The following NSD2 variants were observed in gnomAD, a reference collection of about 807,000 sequenced individuals.
The protein encoded by NSD2 is nuclear receptor binding SET domain protein 2, also known as histone-lysine N-methyltransferase NSD2.
NSD2 carries 12 observed loss-of-function variants against 139.0 expected under a neutral mutation model. The ratio of observed to expected loss-of-function variants is 0.09; its 90% CI spans 0.06 to 0.14. The LOEUF is 0.14. Among genes scored for constraint, NSD2 ranks in the 10% least tolerant of loss-of-function variants. The pLI, the probability that NSD2 is intolerant of heterozygous loss-of-function variation, is 1.00. For synonymous variants in NSD2, 669 were observed against 648.7 expected (o/e 1.03, Z -0.48); for missense variants, 1,155 against 1,745.0 (o/e 0.66, Z 6.02).
intron 1 of NSD2, chr4:1,899,071 A>G (rs1189245121): frequency 2.0e-5 from 3 of 152,164 alleles, no homozygotes; most frequent in Non-Finnish European, 4.4e-5. Flanking sequence ...ACTTTGATCT[A>G]CCTTTTTAAG....
intron 3 of NSD2, among the ~76,000 whole-genome samples, chr4:1,911,587 C>CAAAAAAAAAAA (rs372660600): frequency 3.4e-3 from 142 of 41,912 alleles, no homozygotes; most frequent in African/African-American, 7.2e-3. Flanking sequence ...GACGCCATCT[C>CAAAAAAAAAAA]AAAAAAAAAA....
At chr4:1,887,765 A>ATGAC (rs1386165008) in intron 1 of NSD2, 7 of 152,156 alleles carry the variant, frequency 4.6e-5, no homozygotes, top group African/African-American at 1.4e-4. Flanking sequence ...ATTTACTTGT[A>ATGAC]TGACTTTGTT....
At chr4:1,975,151 C>A in intron 19 of NSD2, 143 bp from the exon 20 acceptor site, 1 of 1,438,560 alleles carries the variant, frequency 7.0e-7, no homozygotes, top group Non-Finnish European at 9.5e-7. Context: ...TCTCTTTTAC[C>A]AAGCAAAATT....
intron 11 of NSD2, chr4:1,952,761 G>A (rs1228254081): frequency 1.2e-5 from 13 of 1,099,672 alleles, no homozygotes; most frequent in Admixed American, 4.6e-5. Context: ...GGTGTCGCCC[G>A]GCACAGTCTG....
At position 1,974,055 on chromosome 4, in the gene NSD2, G is replaced by T. The variant is rs1726797536; in HGVS notation, c.3373-808G>T. Among the ~76,000 whole-genome samples, 1 of 152,088 alleles carries T rather than the reference G, an allele frequency of 6.6e-6. No individual in the cohort carries two copies. The highest frequency in any genetic ancestry group is 1.5e-5 in the Non-Finnish European group (1 of 68,014). On this transcript the variant is annotated intron_variant, in intron 18 of 21. Coordinates refer to ENST00000508803, the MANE Select transcript of NSD2 (RefSeq NM_001042424.3). The surrounding 1 kb of genome is among the most constrained non-coding windows in gnomAD (Gnocchi z 4.0). ...TGCTGCCTCGAAAGCCTTCCTGCCG[G>T]CCCTGCAGCCACCCCTCATCTCAGC...
At chr4:1,957,241 A>C (rs1407936939) in intron 15 of NSD2, among the ~76,000 whole-genome samples, 1 of 149,220 alleles carries the variant, frequency 6.7e-6, no homozygotes, top group African/African-American at 2.5e-5. Flanking sequence ...ATCTCTCAGA[A>C]CCCCTTTTGT....
intron 5 of NSD2, 128 bp from the exon 6 acceptor site, chr4:1,930,498 T>A: frequency 1.0e-6 from 1 of 999,724 alleles, no homozygotes. Flanking sequence ...TGGACATAGT[T>A]CCACGATGTG....
chr4:1,981,885 G>C lies in NSD2; in HGVS notation c.*2976G>C. ...GTAGAGTAAAATGCTGTGTCCACGGGGTGTCACAGCCTCACCATACCCTGT... is the reference window on the plus strand; with the variant it reads ...GTAGAGTAAAATGCTGTGTCCACGGCGTGTCACAGCCTCACCATACCCTGT... On this transcript the variant is annotated 3_prime_UTR_variant, in exon 22 of 22. Coordinates refer to ENST00000508803, the MANE Select transcript of NSD2 (RefSeq NM_001042424.3). The C allele has an allele frequency of 2.5e-6, 1 of 398,620 alleles. No individual in the cohort carries two copies. The highest frequency in any genetic ancestry group is 4.4e-6 in the Non-Finnish European group (1 of 226,074). 24.7% of individuals were successfully genotyped at this position (398,620 alleles called of 1,614,324 possible).
chr4:1,979,752 A>AT lies in NSD2; in HGVS notation c.*848dup, dbSNP rs1373571395. ...TTTGGCTTTTCTTTACCAGTTTCTG[A>AT]TTTTTATTCTCAATATATTTTTGCT... On this transcript the variant is annotated 3_prime_UTR_variant, in exon 22 of 22. Coordinates refer to ENST00000508803, the MANE Select transcript of NSD2 (RefSeq NM_001042424.3). 13 of 232,136 alleles carry AT rather than the reference A, an allele frequency of 5.6e-5. No individual in the cohort carries two copies. Among genetic ancestry groups the AT allele is most frequent in the African/African-American group, 2.9e-4 (13 of 45,354 alleles). The allele number at this position is 232,136 out of a possible 1,614,324, so 14.4% of individuals were successfully genotyped here.
intron 9 of NSD2, chr4:1,945,904 TACAACAC>T: frequency 9.4e-7 from 1 of 1,059,344 alleles, no homozygotes; most frequent in East Asian, 5.2e-5. Context: ...TCATTTGACT[TACAACAC>T]ACTTCTCTAA....
At chr4:1,947,876 C>T (rs1034064848) in intron 9 of NSD2, 16 of 1,054,106 alleles carry the variant, frequency 1.5e-5, no homozygotes, top group Admixed American at 5.5e-5. Context: ...ATGTGTATGA[C>T]GCCACTCTGA....
chr4:1,900,663 T>C lies in NSD2; in HGVS notation c.9T>C (p.Phe3=), dbSNP rs917196718. 5 of 1,578,092 alleles carry C rather than the reference T, an allele frequency of 3.2e-6. No homozygotes were observed. The African/African-American group carries it at 5.4e-5, about 17-fold the overall frequency. ...GGAAGCATCTGGGCTGGATGGAATT[T>C]AGCATCAAGCAGAGTCCCCTTTCTG... ME[F]SIKQSPLSVQ... The change falls in exon 2 of 22, where the codon TTT becomes TTC. Residue 3 remains phenylalanine (F), a synonymous_variant. Transcript: ENST00000508803.
At position 1,981,933 on chromosome 4, in the gene NSD2, GA is replaced by G. The variant is rs1727807821; in HGVS notation, c.*3027del. 1 of 398,492 alleles carries G rather than the reference GA, an allele frequency of 2.5e-6. No homozygotes were observed. The highest frequency in any genetic ancestry group is 2.1e-5 in the African/African-American group (1 of 48,614). 24.7% of individuals were successfully genotyped at this position (398,492 alleles called of 1,614,324 possible). On this transcript the variant is annotated 3_prime_UTR_variant, in exon 22 of 22. Transcript: ENST00000508803. ...TGTTGAGGTGTGAAATGCCCCGTCA[GA>G]AATTAAATACAAACTTAAATGTGCC...
chr4:1,896,436 A>G (rs1716315446), intron 1 of NSD2, among the ~76,000 whole-genome samples: 2 of 152,240 alleles, frequency 1.3e-5, no homozygotes, highest in South Asian at 4.1e-4. Context: ...TAGTGTGGTC[A>G]CAGCTCACTG....
chr4:1,934,967 T>C (rs1391832959), intron 6 of NSD2, among the ~76,000 whole-genome samples, 177 bp from the exon 7 acceptor site: 1 of 146,142 alleles, frequency 6.8e-6, no homozygotes, highest in Non-Finnish European at 1.5e-5. Flanking sequence ...GTCACCAGTT[T>C]TTTTGTTGTA....
intron 17 of NSD2, 40 bp downstream of exon 17, chr4:1,959,780 C>T (rs761342473): frequency 5.6e-6 from 9 of 1,598,406 alleles, no homozygotes; most frequent in South Asian, 5.5e-5. Flanking sequence ...TGAGAAATTA[C>T]GGTTCACTGG....
chr4:1,877,188 A>G lies in NSD2; in HGVS notation c.-30+5646A>G, dbSNP rs545571939. On this transcript the variant is annotated intron_variant, in intron 1 of 21. Transcript: ENST00000508803. ...TTTAGAGGATCTGTGCATGTTAGCA[A>G]TGTTCTTACATTTTGATGGTTTTCA... Among the ~76,000 whole-genome samples, 8 of 152,272 alleles carry G rather than the reference A, an allele frequency of 5.3e-5. No individual in the cohort carries two copies. In the East Asian group the frequency reaches 9.6e-4, roughly 18 times the overall value.
chr4:1,968,045 A>G (rs1263085055), intron 18 of NSD2, among the ~76,000 whole-genome samples: 1 of 152,164 alleles, frequency 6.6e-6, no homozygotes, highest in Non-Finnish European at 1.5e-5. Context: ...TTGCAAACCA[A>G]ATTGGCAGCA....
rs567731168 is a variant in NSD2 at position 1,890,764 on chromosome 4, A to G, written c.-29-9862A>G. Among the ~76,000 whole-genome samples the G allele has an allele frequency of 6.7e-5, 10 of 150,178 alleles. 1 individual carries two copies. In the South Asian group the frequency reaches 8.4e-4, roughly 13 times the overall value. On this transcript the variant is annotated intron_variant, in intron 1 of 21. Coordinates refer to ENST00000508803, the MANE Select transcript of NSD2 (RefSeq NM_001042424.3). Reference sequence around the variant, plus strand: ...CAGGCGCCCACCACCACGCTTGGCTAATTTTCTATTTTTAGTAGAGACGGG... The same window carrying G: ...CAGGCGCCCACCACCACGCTTGGCTGATTTTCTATTTTTAGTAGAGACGGG...
Sources: allele counts gnomAD v4.1 joint callset (sites outside exome capture counted in the v4.1 genomes callset), GRCh38; gene constraint gnomAD v4.1.1; non-coding constraint Gnocchi (gnomAD v3.1); transcripts MANE v1.5; gene names NCBI Gene and HGNC (gene_info 2026-07-23, HGNC 2026-07-21).